The following DRAM2 variants were observed in gnomAD, a reference collection of about 807,000 sequenced individuals.
DRAM2 encodes DNA damage regulated autophagy modulator 2, also known as DNA damage-regulated autophagy modulator protein 2.
Under a neutral mutation model 33.5 loss-of-function variants are expected in DRAM2, and 26 were observed. The ratio of observed to expected loss-of-function variants is 0.78; its 90% CI spans 0.57 to 1.08. DRAM2 has a LOEUF of 1.08. DRAM2 is among the 50% of genes least tolerant of loss of function. The pLI, the probability that DRAM2 is intolerant of heterozygous loss-of-function variation, is 0.00. For missense variants in DRAM2, 311 were observed against 318.1 expected (o/e 0.98, Z 0.17); for synonymous variants, 98 against 109.5 (o/e 0.89, Z 0.66).
chr1:111,131,321 G>T, intron 4 of DRAM2, 103 bp downstream of exon 4: 1 of 1,289,456 alleles, frequency 7.8e-7, no homozygotes, highest in Non-Finnish European at 1.1e-6. Flanking sequence ...TAATGCCAAT[G>T]TAAAATCTGA....
chr1:111,120,751 A>C, intron 6 of DRAM2, 58 bp from the exon 7 acceptor site: 1 of 1,402,224 alleles, frequency 7.1e-7, no homozygotes, highest in Non-Finnish European at 9.4e-7. Flanking sequence ...CATTGGCAAC[A>C]CAACATTTAA....
chr1:111,123,835 G>A (rs1374873889), intron 6 of DRAM2, among the ~76,000 whole-genome samples: 1 of 152,024 alleles, frequency 6.6e-6, no homozygotes, highest in African/African-American at 2.4e-5. Context: ...TTCCTCCCTT[G>A]CCATGTGAGC....
rs969936135 is a variant in DRAM2 at position 111,139,513 on chromosome 1, T to C, written c.-91A>G. The C allele has an allele frequency of 6.6e-6, 1 of 152,256 alleles. No homozygotes were observed. Among genetic ancestry groups the C allele is most frequent in the African/African-American group, 2.4e-5 (1 of 41,446 alleles). 9.4% of individuals were successfully genotyped at this position (152,256 alleles called of 1,614,324 possible). A position where few individuals can be genotyped will look rare whatever the true frequency, so the allele number is the denominator to read the frequency against. ...ACCCAGAACTCACAACAGGAACGTGTACTCAACAGGAACGTGTACTCAATT... is the reference window on the plus strand; with the variant it reads ...ACCCAGAACTCACAACAGGAACGTGCACTCAACAGGAACGTGTACTCAATT... On this transcript the variant is annotated 5_prime_UTR_variant, in exon 2 of 10. Coordinates refer to ENST00000484310, the MANE Select transcript of DRAM2 (RefSeq NM_001349884.2).
At chr1:111,123,031 C>T (rs1355216199) in intron 6 of DRAM2, among the ~76,000 whole-genome samples, 2 of 152,126 alleles carry the variant, frequency 1.3e-5, no homozygotes, top group Admixed American at 1.3e-4. Flanking sequence ...ACTGGAGATT[C>T]ATGTTTACCA....
intron 8 of DRAM2, 108 bp downstream of exon 8, chr1:111,119,769 T>C (rs1649600916): frequency 1.1e-6 from 1 of 912,038 alleles, no homozygotes; most frequent in Non-Finnish European, 1.7e-6. Flanking sequence ...GAACTGATTA[T>C]TCTACCAGAA....
chr1:111,123,507 C>A (rs1016260727), intron 6 of DRAM2, among the ~76,000 whole-genome samples: 1 of 152,206 alleles, frequency 6.6e-6, no homozygotes, highest in East Asian at 1.9e-4. Context: ...CCGTAATCAT[C>A]CATTCTCAGT....
At chr1:111,121,653 A>C (rs1348747639) in intron 6 of DRAM2, among the ~76,000 whole-genome samples, 2 of 152,132 alleles carry the variant, frequency 1.3e-5, no homozygotes, top group Non-Finnish European at 2.9e-5. Context: ...TTATTTTTTA[A>C]GTTAGATTTT....
rs759890383 is a variant in DRAM2, at chr1:111,119,963, T to G, written c.518-4A>C. On this transcript the variant is annotated splice_region_variant and splice_polypyrimidine_tract_variant and intron_variant, in intron 7 of 9. Transcript: ENST00000484310. The stretch of plus-strand genomic sequence containing the variant: ...AAAACTGATGAGCAAGTCAGCACTA[T>G]AAAAACATAAGTCAAGGAAGAATCT... 6 of 1,611,098 alleles carry G rather than the reference T, an allele frequency of 3.7e-6. No homozygotes were observed. In the South Asian group the frequency reaches 6.6e-5, roughly 18 times the overall value.
chr1:111,117,977 T>G lies in DRAM2; in HGVS notation c.*183A>C. The G allele has an allele frequency of 1.6e-6, 1 of 608,704 alleles. No individual in the cohort carries two copies. Among genetic ancestry groups the G allele is most frequent in the Non-Finnish European group, 2.9e-6 (1 of 345,670 alleles). 37.7% of individuals were successfully genotyped at this position (608,704 alleles called of 1,614,324 possible). On this transcript the variant is annotated 3_prime_UTR_variant, in exon 10 of 10. Coordinates refer to ENST00000484310, the MANE Select transcript of DRAM2 (RefSeq NM_001349884.2). ...TAGGTGTTTTTAATAGTCTTCTTGATGATATCCTTTAGAATAATCTATCAA... is the reference window on the plus strand; with the variant it reads ...TAGGTGTTTTTAATAGTCTTCTTGAGGATATCCTTTAGAATAATCTATCAA...
At chr1:111,130,751 C>T (rs1344048490) in intron 4 of DRAM2, among the ~76,000 whole-genome samples, 1 of 150,330 alleles carries the variant, frequency 6.7e-6, no homozygotes, top group South Asian at 2.1e-4. Flanking sequence ...AATTCCAGCA[C>T]TTTGGGAGGC....
chr1:111,118,627 T>C (rs1045069731), intron 9 of DRAM2, 178 bp downstream of exon 9: 1 of 541,802 alleles, frequency 1.8e-6, no homozygotes, highest in African/African-American at 2.0e-5. Context: ...ATACACTACT[T>C]CTTTAAACAC....
chr1:111,121,376 G>T (rs1450482124), intron 6 of DRAM2, among the ~76,000 whole-genome samples: 2 of 152,016 alleles, frequency 1.3e-5, no homozygotes, highest in Non-Finnish European at 2.9e-5. Context: ...TCCAATAAGA[G>T]AATCAACCCT....
intron 4 of DRAM2, among the ~76,000 whole-genome samples, chr1:111,129,085 C>T (rs10494126): frequency 6.6e-6 from 1 of 152,028 alleles, no homozygotes; most frequent in Non-Finnish European, 1.5e-5. Context: ...CCACGCCATA[C>T]CACTGTGGAA....
At chr1:111,128,155 T>TC (rs1422244592) in intron 4 of DRAM2, 3 of 150,228 alleles carry the variant, frequency 2.0e-5, no homozygotes, top group Non-Finnish European at 4.4e-5. Flanking sequence ...TTTTTTTTTT[T>TC]TGACAGAGTC....
In DRAM2 at chr1:111,126,179, C is replaced by T. The variant is rs568218233; in HGVS notation, c.199+48G>A. The T allele has an allele frequency of 1.8e-4, 216 of 1,200,746 alleles. 7 individuals carry two copies. The highest frequency in any genetic ancestry group is 1.6e-3 in the South Asian group (132 of 81,818). 74.4% of individuals were successfully genotyped at this position (1,200,746 alleles called of 1,614,324 possible). On this transcript the variant is annotated intron_variant, in intron 5 of 9. Coordinates refer to ENST00000484310, the MANE Select transcript of DRAM2 (RefSeq NM_001349884.2). ...ACTCCAGTGTTGAAAGAAGAAAATA[C>T]TGTAGCAATTTGGCTATTATCATGT...
At chr1:111,131,756 G>A (rs574408286) in intron 3 of DRAM2, among the ~76,000 whole-genome samples, 188 bp from the exon 4 acceptor site, 87 of 152,088 alleles carry the variant, frequency 5.7e-4, no homozygotes, top group Non-Finnish European at 7.5e-4. Context: ...ATTCACCCAC[G>A]TGACAGAGCT....
rs150569795 is a variant in DRAM2 at position 111,136,295 on chromosome 1, G to A, written c.-15+1228C>T. Among the ~76,000 whole-genome samples, 724 of 152,222 alleles carry A rather than the reference G, an allele frequency of 4.8e-3. 6 individuals are homozygous for A. The highest frequency in any genetic ancestry group is 0.016 in the African/African-American group (675 of 41,544). ...AATGGAATAATGTGAGGCTGGGTGC[G>A]GTGGCTCAGGCCTGTAATCCAGCAC... On this transcript the variant is annotated intron_variant, in intron 3 of 9. Coordinates refer to ENST00000484310, the MANE Select transcript of DRAM2 (RefSeq NM_001349884.2).
At chr1:111,133,194 T>C (rs1375610161) in intron 3 of DRAM2, among the ~76,000 whole-genome samples, 1 of 151,396 alleles carries the variant, frequency 6.6e-6, no homozygotes, top group Non-Finnish European at 1.5e-5. Context: ...TTTTTTTTTT[T>C]TGAGACAGAG....
chr1:111,136,050 G>C (rs1167634494), intron 3 of DRAM2, among the ~76,000 whole-genome samples: 1 of 152,086 alleles, frequency 6.6e-6, no homozygotes, highest in Non-Finnish European at 1.5e-5. Flanking sequence ...ATTTCTACAA[G>C]TCATTTAAAC....
Sources: allele counts gnomAD v4.1 joint callset (sites outside exome capture counted in the v4.1 genomes callset), GRCh38; gene constraint gnomAD v4.1.1; transcripts MANE v1.5; gene names NCBI Gene and HGNC (gene_info 2026-07-23, HGNC 2026-07-21).